CCDC85A: variants seen among roughly 807,000 people sequenced by gnomAD.
The protein encoded by CCDC85A is coiled-coil domain containing 85A, also known as coiled-coil domain-containing protein 85A.
In CCDC85A, 38 loss-of-function variants were observed where a neutral mutation model predicts 50.2. The observed-to-expected ratio is 0.76, with a 90% CI of 0.58 to 0.99. The LOEUF (loss-of-function observed/expected upper bound fraction) is 0.99. Among genes scored for constraint, CCDC85A ranks in the 50% least tolerant of loss-of-function variants. CCDC85A has a pLI of 0.00. For synonymous variants in CCDC85A, 366 were observed against 301.4 expected (o/e 1.21, Z -2.22); for missense variants, 820 against 742.0 (o/e 1.11, Z -1.22).
chr2:56,275,483 ACACCAGCTATTTAACATCATATAGACC>A (rs1268545857), intron 2 of CCDC85A, among the ~76,000 whole-genome samples: 5 of 81,384 alleles, frequency 6.1e-5, no homozygotes, highest in East Asian at 1.6e-3. Flanking sequence ...TATAGACCTT[ACACCAGCTATTTAACATCATATAGACC>A]ACTCATTTTA....
At chr2:56,354,240 A>G (rs1041803510) in intron 3 of CCDC85A, among the ~76,000 whole-genome samples, 1 of 152,214 alleles carries the variant, frequency 6.6e-6, no homozygotes, top group Non-Finnish European at 1.5e-5. Flanking sequence ...TTATTTTAAA[A>G]TGTAGCATAC....
At chr2:56,199,277 G>T (rs1676642234) in intron 2 of CCDC85A, among the ~76,000 whole-genome samples, 1 of 152,190 alleles carries the variant, frequency 6.6e-6, no homozygotes, top group Non-Finnish European at 1.5e-5. Flanking sequence ...AATGTGTAGG[G>T]CTATACAGTT....
chr2:56,235,037 TA>T (rs1668944307), intron 2 of CCDC85A, among the ~76,000 whole-genome samples: 1 of 152,206 alleles, frequency 6.6e-6, no homozygotes, highest in Non-Finnish European at 1.5e-5. Flanking sequence ...TTAGGGTCAT[TA>T]ATTTCCATTA....
intron 2 of CCDC85A, among the ~76,000 whole-genome samples, chr2:56,330,941 A>T (rs1377323135): frequency 6.6e-6 from 1 of 152,144 alleles, no homozygotes; most frequent in Non-Finnish European, 1.5e-5. Context: ...ATAGTAGCAC[A>T]TTTCACAATA....
intron 2 of CCDC85A, among the ~76,000 whole-genome samples, chr2:56,286,169 A>G (rs142667111): frequency 1.3e-5 from 2 of 151,948 alleles, no homozygotes; most frequent in Non-Finnish European, 2.9e-5. Context: ...TTTGATTTTT[A>G]GCAGTTTGAC....
intron 2 of CCDC85A, among the ~76,000 whole-genome samples, chr2:56,217,426 A>G (rs1011801212): frequency 1.3e-5 from 2 of 151,866 alleles, no homozygotes; most frequent in African/African-American, 2.4e-5. Context: ...AGTTTCTTCT[A>G]TCTTTAATTT....
chr2:56,321,415 C>A (rs1673179183), intron 2 of CCDC85A, among the ~76,000 whole-genome samples: 1 of 152,152 alleles, frequency 6.6e-6, no homozygotes, highest in African/African-American at 2.4e-5. Context: ...CTCAAAATCT[C>A]CTTAAGCTGA....
At chr2:56,335,024 T>C (rs536399602) in intron 2 of CCDC85A, among the ~76,000 whole-genome samples, 1 of 152,330 alleles carries the variant, frequency 6.6e-6, no homozygotes, top group African/African-American at 2.4e-5. Context: ...TAAAGCCCCA[T>C]TAAAAATTCT....
intron 2 of CCDC85A, among the ~76,000 whole-genome samples, chr2:56,337,951 A>G (rs1368157751): frequency 1.3e-5 from 2 of 151,268 alleles, no homozygotes; most frequent in African/African-American, 4.9e-5. Flanking sequence ...TGCCCGGCTA[A>G]TTTTTGTATT....
chr2:56,372,405 G>C lies in CCDC85A; in HGVS notation c.1379G>C (p.Gly460Ala). 6.2e-7 allele frequency: 1 copy of C among 1,605,228 alleles called. No individual in the cohort carries two copies. Among genetic ancestry groups the C allele is most frequent in the South Asian group, 1.1e-5 (1 of 89,090 alleles). Reference sequence around the variant, plus strand: ...AGCTCAAATATGGAGAAAGGCTGGGGGTCCAGAGCCCGGCGGGTCTTGCAG... The same window carrying C: ...AGCTCAAATATGGAGAAAGGCTGGGCGTCCAGAGCCCGGCGGGTCTTGCAG... ...RNSSNMEKGW[G>A]SRARRVLQWW... The change falls in exon 4 of 6, where the codon GGG becomes GCG. Residue 460 changes from glycine to alanine, a missense_variant. Gly to Ala is a moderately conservative substitution (Grantham distance 60, BLOSUM62 0). Coordinates refer to ENST00000407595, the MANE Select transcript of CCDC85A (RefSeq NM_001080433.2).
intron 3 of CCDC85A, among the ~76,000 whole-genome samples, chr2:56,357,810 C>T (rs1675313326): frequency 6.6e-6 from 1 of 152,140 alleles, no homozygotes; most frequent in Admixed American, 6.5e-5. Flanking sequence ...ACTCAGGTTA[C>T]AGACAGGGCA....
At chr2:56,227,383 G>A (rs1451473021) in intron 2 of CCDC85A, among the ~76,000 whole-genome samples, 1 of 152,152 alleles carries the variant, frequency 6.6e-6, no homozygotes, top group Non-Finnish European at 1.5e-5. Flanking sequence ...ATAATTCAAG[G>A]TTTTATGCTT....
chr2:56,217,006 G>A (rs1668078432), intron 2 of CCDC85A, among the ~76,000 whole-genome samples: 1 of 151,828 alleles, frequency 6.6e-6, no homozygotes, highest in Admixed American at 6.6e-5. Flanking sequence ...GCCTTTAACA[G>A]TTGATGTCAT....
At chr2:56,277,387 C>G (rs1268877607) in intron 2 of CCDC85A, among the ~76,000 whole-genome samples, 1 of 151,938 alleles carries the variant, frequency 6.6e-6, no homozygotes, top group East Asian at 1.9e-4. Context: ...TTCTCTTCTT[C>G]TTTAAGTTAA....
intron 3 of CCDC85A, among the ~76,000 whole-genome samples, chr2:56,354,114 C>G (rs1471093436): frequency 1.3e-5 from 2 of 152,146 alleles, no homozygotes; most frequent in Non-Finnish European, 2.9e-5. Context: ...TAAAAGGAGG[C>G]ATGACATTTC....
chr2:56,274,524 G>T (rs1480107227), intron 2 of CCDC85A, among the ~76,000 whole-genome samples: 1 of 152,176 alleles, frequency 6.6e-6, no homozygotes, highest in African/African-American at 2.4e-5. Flanking sequence ...CTCAGTCTTT[G>T]CTCTTAGGGC....
intron 2 of CCDC85A, among the ~76,000 whole-genome samples, chr2:56,312,275 TGAG>T (rs1285943203): frequency 6.6e-6 from 1 of 152,096 alleles, no homozygotes; most frequent in Non-Finnish European, 1.5e-5. Context: ...TCTAAATTTA[TGAG>T]GAGAAAATGT....
At chr2:56,242,953 T>G (rs1438815280) in intron 2 of CCDC85A, among the ~76,000 whole-genome samples, 3 of 152,140 alleles carry the variant, frequency 2.0e-5, no homozygotes, top group Non-Finnish European at 4.4e-5. Context: ...AAGATTGAAG[T>G]CTAGTTTTAT....
intron 2 of CCDC85A, among the ~76,000 whole-genome samples, chr2:56,302,348 G>C (rs1339440774): frequency 2.0e-5 from 3 of 152,194 alleles, no homozygotes; most frequent in African/African-American, 7.2e-5. Flanking sequence ...TAGGGTAGTA[G>C]AAGGAGATAT....
Sources: allele counts gnomAD v4.1 joint callset (sites outside exome capture counted in the v4.1 genomes callset), GRCh38; gene constraint gnomAD v4.1.1; transcripts MANE v1.5; gene names NCBI Gene and HGNC (gene_info 2026-07-23, HGNC 2026-07-21).